The following XKRX variants were observed in gnomAD, a reference collection of about 807,000 sequenced individuals.
XKRX encodes XK-related protein 2.
Under a neutral mutation model 22.4 loss-of-function variants are expected in XKRX, and 11 were observed. The ratio of observed to expected loss-of-function variants is 0.49; its 90% CI spans 0.31 to 0.81. XKRX has a LOEUF of 0.81. XKRX is among the 40% of genes least tolerant of loss of function. XKRX has a pLI of 0.05. For missense variants in XKRX, 320 were observed against 336.5 expected, an observed-to-expected ratio of 0.95 and a Z score of 0.38; for synonymous variants, 114 against 132.2, an observed-to-expected ratio of 0.86 and a Z score of 0.94.
At chrX:100,947,407 T>C in the XKRX span, among the ~76,000 whole-genome samples, 2,225 of 112,574 alleles carry the variant, frequency 0.02, 50 homozygotes, top group African/African-American at 0.067. Context: ...GCTTTGTGTA[T>C]ACATATCATC....
At chrX:100,905,315 T>C in the XKRX span, among the ~76,000 whole-genome samples, 5 of 112,174 alleles carry the variant, frequency 4.5e-5, no homozygotes, top group African/African-American at 1.6e-4. Context: ...CAACAGATGA[T>C]AGCCCTCTTC....
chrX:100,905,035 C>T, the XKRX span, among the ~76,000 whole-genome samples: 1 of 112,092 alleles, frequency 8.9e-6, no homozygotes, highest in East Asian at 2.8e-4. Flanking sequence ...AAAATGCTCA[C>T]TGACTTCAGT....
intron 2 of XKRX, 75 bp downstream of exon 2, chrX:100,922,718 T>C: frequency 9.4e-7 from 1 of 1,066,222 alleles, no homozygotes; most frequent in East Asian, 3.1e-5. Context: ...GTGGCCAGTT[T>C]ATTAGACAGC....
intron 2 of XKRX, among the ~76,000 whole-genome samples, chrX:100,917,714 G>GAA (rs1163362148): frequency 1.9e-5 from 2 of 105,025 alleles, no homozygotes; most frequent in African/African-American, 3.5e-5. Context: ...AAGAAAGAAA[G>GAA]AAAGAAAGAA....
downstream of XKRX, among the ~76,000 whole-genome samples, chrX:100,909,771 C>T (rs768086953): frequency 1.3e-4 from 14 of 109,593 alleles, no homozygotes; most frequent in African/African-American, 4.3e-4. Context: ...GGCATGATGG[C>T]GGGTGCCTGT....
chrX:100,915,151 T>C (rs1033303716), intron 2 of XKRX, 68 bp from the exon 3 acceptor site: 11 of 1,107,749 alleles, frequency 9.9e-6, no homozygotes, highest in African/African-American at 7.3e-5. Flanking sequence ...GCTGTACTTA[T>C]AACCCAGAGG....
At chrX:100,910,609 A>C, downstream of XKRX, 1 of 247,645 alleles carries the variant, frequency 4.0e-6, no homozygotes, top group Non-Finnish European at 7.0e-6. Context: ...AAAAGATTTC[A>C]GAGAGGACTG....
downstream of XKRX, among the ~76,000 whole-genome samples, chrX:100,908,803 G>T (rs939769125): frequency 1.8e-5 from 2 of 109,543 alleles, no homozygotes; most frequent in Non-Finnish European, 3.8e-5. Flanking sequence ...ACAGATGCCT[G>T]CCCCACCCCC....
At chrX:100,958,312 C>T in the XKRX span, among the ~76,000 whole-genome samples, 1 of 112,106 alleles carries the variant, frequency 8.9e-6, no homozygotes, top group African/African-American at 3.2e-5. Flanking sequence ...TGTTGGAGTA[C>T]AGGATCCTAG....
At chrX:100,956,279 T>C in the XKRX span, among the ~76,000 whole-genome samples, 1 of 111,535 alleles carries the variant, frequency 9.0e-6, no homozygotes, top group Non-Finnish European at 1.9e-5. Flanking sequence ...GATGGGATGA[T>C]CTGTGCAGCA....
intron 1 of XKRX, among the ~76,000 whole-genome samples, chrX:100,925,126 T>C (rs1475186489): frequency 1.8e-5 from 2 of 112,360 alleles, no homozygotes; most frequent in African/African-American, 6.5e-5. Flanking sequence ...CCCCAACCCA[T>C]CAGTACTATT....
At chrX:100,891,795 G>GAAAGAAAGAAAGAAAGAA in the XKRX span, among the ~76,000 whole-genome samples, 1 of 105,531 alleles carries the variant, frequency 9.5e-6, no homozygotes, top group Non-Finnish European at 1.9e-5. Flanking sequence ...AAGAAAGAAA[G>GAAAGAAAGAAAGAAAGAA]AAAGTAAGTT....
the XKRX span, among the ~76,000 whole-genome samples, chrX:100,908,138 T>TGTGTGTGTGTGTGTGTG: frequency 4.6e-5 from 5 of 109,179 alleles, no homozygotes; most frequent in South Asian, 4.0e-4. Context: ...TGTGTGTGTG[T>TGTGTGTGTGTGTGTGTG]TTGAAACGGA....
the XKRX span, among the ~76,000 whole-genome samples, chrX:100,901,539 C>T: frequency 8.9e-6 from 1 of 111,732 alleles, no homozygotes; most frequent in Non-Finnish European, 1.9e-5. Flanking sequence ...TGAGAGATTT[C>T]AATACCCTTC....
chrX:100,917,634 GAAGAAAGAAAGA>G (rs745405207), intron 2 of XKRX, among the ~76,000 whole-genome samples: 9 of 49,028 alleles, frequency 1.8e-4, no homozygotes, highest in South Asian at 1.4e-3. Flanking sequence ...GAGAAAGAAA[GAAGAAAGAAAGA>G]AAGAAAGAAA....
upstream of XKRX, among the ~76,000 whole-genome samples, chrX:100,933,478 T>TAAAAAA (rs368739515): frequency 2.0e-5 from 1 of 50,515 alleles, no homozygotes; most frequent in African/African-American, 6.4e-5. Flanking sequence ...AGATTCCGTC[T>TAAAAAA]AAAAAAAAAA....
downstream of XKRX, chrX:100,911,044 G>C: frequency 1.8e-6 from 1 of 556,674 alleles, no homozygotes; most frequent in Non-Finnish European, 3.3e-6. Context: ...AACGAAAAGA[G>C]AAGGTGGGAA....
chrX:100,901,401 T>C, the XKRX span, among the ~76,000 whole-genome samples: 20 of 111,470 alleles, frequency 1.8e-4, no homozygotes, highest in African/African-American at 6.2e-4. Context: ...AAAGAGGCAT[T>C]ACATAATAAT....
rs2085417696 is a variant in XKRX at position 100,913,959 on chromosome X, T to C, written c.*379A>G. ...ATATCCTCTGATCAGTCAGGATATA[T>C]TCTAGCGGGATTCTGGGCCTTCAGC... On this transcript the variant is annotated 3_prime_UTR_variant, in exon 3 of 3. Transcript: ENST00000372956. 1 of 163,576 alleles carries C rather than the reference T, an allele frequency of 6.1e-6. No homozygotes were observed. Among genetic ancestry groups the C allele is most frequent in the African/African-American group, 3.0e-5 (1 of 33,439 alleles). The allele number at this position is 163,576 out of a possible 1,213,427, so 13.5% of individuals were successfully genotyped here.
Sources: allele counts gnomAD v4.1 joint callset (sites outside exome capture counted in the v4.1 genomes callset), GRCh38; gene constraint gnomAD v4.1.1; transcripts MANE v1.5; gene names NCBI Gene and HGNC (gene_info 2026-07-23, HGNC 2026-07-21).